CLEC16A: variants seen among roughly 807,000 people sequenced by gnomAD.
CLEC16A encodes C-type lectin domain containing 16A, also known as protein CLEC16A.
A neutral mutation model predicts 109.5 loss-of-function variants in CLEC16A; 51 were observed. That is an observed-to-expected ratio of 0.47 (90% CI 0.37 to 0.59). The LOEUF (loss-of-function observed/expected upper bound fraction) is 0.59. CLEC16A is among the 20% of genes least tolerant of loss of function. The probability of loss-of-function intolerance (pLI) is 0.00; values close to 1 mark genes in which losing one functional copy is unlikely to be tolerated. For synonymous variants in CLEC16A, 673 were observed against 564.2 expected (o/e 1.19, Z -2.73); for missense variants, 1,339 against 1,394.0 (o/e 0.96, Z 0.63).
chr16:11,129,457 A>G (rs2053046684), intron 22 of CLEC16A, among the ~76,000 whole-genome samples: 1 of 152,192 alleles, frequency 6.6e-6, no homozygotes, highest in East Asian at 1.9e-4. Flanking sequence ...CTGTTGTGAT[A>G]GCATGCATTC....
chr16:11,024,675 C>T, intron 12 of CLEC16A, 146 bp from the exon 13 acceptor site: 1 of 603,372 alleles, frequency 1.7e-6, no homozygotes, highest in Non-Finnish European at 3.0e-6. Context: ...TTGTCTGTGT[C>T]CTCAGTGCGT....
chr16:11,138,778 G>A lies in CLEC16A; in HGVS notation c.2641+12632G>A, dbSNP rs117832942. 1.4e-4 allele frequency among the ~76,000 whole-genome samples: 22 copies of A among 152,226 alleles called. No individual in the cohort carries two copies. In the East Asian group the frequency reaches 3.1e-3, roughly 21 times the overall value. ...TTAGTTCGCAGGCGCACCCTCATTCGATTTTGACTGCTGCGATCATCTGGT... is the reference window on the plus strand; with the variant it reads ...TTAGTTCGCAGGCGCACCCTCATTCAATTTTGACTGCTGCGATCATCTGGT... On this transcript the variant is annotated intron_variant, in intron 22 of 23. Coordinates refer to ENST00000409790, the MANE Select transcript of CLEC16A (RefSeq NM_015226.3).
rs1220743290 is a variant in CLEC16A, at chr16:10,957,730, G to C, written c.81-52G>C. ...ATATTGCTAATGGTCATGGAACTTG[G>C]CTTGCATTTCAGTTGGTAACCTTTA... is the stretch of plus-strand genomic sequence containing the variant. On this transcript the variant is annotated intron_variant, in intron 1 of 23. Coordinates refer to ENST00000409790, the MANE Select transcript of CLEC16A (RefSeq NM_015226.3). 17 of 1,597,594 alleles carry C rather than the reference G, an allele frequency of 1.1e-5. No homozygotes were observed. In the Admixed American group the frequency reaches 2.5e-4, roughly 24 times the overall value.
chr16:10,976,548 T>A (rs1218352393), intron 7 of CLEC16A, among the ~76,000 whole-genome samples: 1 of 152,196 alleles, frequency 6.6e-6, no homozygotes, highest in Non-Finnish European at 1.5e-5. Flanking sequence ...TTTGCTGTTG[T>A]CAAAAATGAT....
intron 17 of CLEC16A, 129 bp from the exon 18 acceptor site, chr16:11,051,384 A>T: frequency 1.1e-6 from 1 of 945,980 alleles, no homozygotes; most frequent in Non-Finnish European, 1.6e-6. Context: ...ATCTAAATCC[A>T]GGATTTAGAT....
At chr16:10,999,752 CT>C (rs2044552115) in intron 10 of CLEC16A, among the ~76,000 whole-genome samples, 1 of 150,498 alleles carries the variant, frequency 6.6e-6, no homozygotes, top group South Asian at 2.1e-4. Flanking sequence ...TTTTTTTTTT[CT>C]TTTTTTAGAT....
Position 11,132,274 on chromosome 16 carries a change from C to T in CLEC16A, c.2641+6128C>T, listed in dbSNP as rs139351398. On this transcript the variant is annotated intron_variant, in intron 22 of 23. Coordinates refer to ENST00000409790, the MANE Select transcript of CLEC16A (RefSeq NM_015226.3). ...GCCCCCATCCAGCCCCTGGCATCCA[C>T]TAATCTGCTTTCTGTCTCTATAGAT... 2.4e-3 allele frequency among the ~76,000 whole-genome samples: 352 copies of T among 147,932 alleles called. 2 individuals are homozygous for T. The highest frequency in any genetic ancestry group is 8.2e-3 in the African/African-American group (329 of 40,210).
intron 23 of CLEC16A, among the ~76,000 whole-genome samples, chr16:11,169,872 A>G (rs1597624760): frequency 1.3e-5 from 2 of 152,074 alleles, no homozygotes; most frequent in Non-Finnish European, 2.9e-5. Context: ...CTCCTCCTGA[A>G]ATTGAGCCCA....
intron 19 of CLEC16A, among the ~76,000 whole-genome samples, chr16:11,096,678 C>T (rs1450205717): frequency 6.6e-6 from 1 of 152,176 alleles, no homozygotes; most frequent in African/African-American, 2.4e-5. Flanking sequence ...TCACTCCAGG[C>T]CTTATGGGGG....
chr16:10,973,931 G>C (rs2042918931), intron 7 of CLEC16A, among the ~76,000 whole-genome samples: 1 of 100,546 alleles, frequency 9.9e-6, no homozygotes. Context: ...ACAGAGTCTT[G>C]CTCTGTCTCC....
chr16:11,146,407 CGATG>C (rs2054058146), intron 22 of CLEC16A, among the ~76,000 whole-genome samples: 1 of 150,784 alleles, frequency 6.6e-6, no homozygotes, highest in Non-Finnish European at 1.5e-5. Flanking sequence ...ATAAATGGAT[CGATG>C]GATGGATATT....
intron 13 of CLEC16A, chr16:11,027,805 T>C: frequency 1.2e-6 from 1 of 828,940 alleles, no homozygotes; most frequent in Non-Finnish European, 2.0e-6. Flanking sequence ...ATCAATGAAG[T>C]GGAAGCATGT....
rs2043073088 is a variant in CLEC16A at position 10,977,215 on chromosome 16, C to T, written c.729-10C>T. 1.2e-6 allele frequency: 2 copies of T among 1,611,786 alleles called. No homozygotes were observed. The highest frequency in any genetic ancestry group is 1.7e-6 in the Non-Finnish European group (2 of 1,178,934). On this transcript the variant is annotated splice_polypyrimidine_tract_variant and intron_variant, in intron 7 of 23. Coordinates refer to ENST00000409790, the MANE Select transcript of CLEC16A (RefSeq NM_015226.3). ...GGCCTCCAGGCTGAGGTGGTCATTT[C>T]TCCTGGCAGGCATCGGAATCGGGGT...
At chr16:11,084,342 G>C (rs1351517092) in intron 19 of CLEC16A, among the ~76,000 whole-genome samples, 1 of 152,040 alleles carries the variant, frequency 6.6e-6, no homozygotes, top group East Asian at 1.9e-4. Flanking sequence ...TGGTTCTTTG[G>C]TTCATGTGGG....
At chr16:10,946,424 G>A (rs1428650539) in intron 1 of CLEC16A, among the ~76,000 whole-genome samples, 1 of 152,160 alleles carries the variant, frequency 6.6e-6, no homozygotes, top group East Asian at 1.9e-4. Flanking sequence ...TTCACTATGT[G>A]GTGAGGGGCA....
chr16:11,092,077 G>A (rs1348063985), intron 19 of CLEC16A, among the ~76,000 whole-genome samples: 2 of 152,142 alleles, frequency 1.3e-5, no homozygotes, highest in African/African-American at 4.8e-5. Context: ...AAGCACAGTG[G>A]CTCACGCCTG....
chr16:11,010,014 A>G (rs1340519463), intron 11 of CLEC16A, among the ~76,000 whole-genome samples: 1 of 152,146 alleles, frequency 6.6e-6, no homozygotes, highest in Non-Finnish European at 1.5e-5. Context: ...CTAGCCAGTC[A>G]CAGCGGTGTG....
chr16:10,987,030 AT>A (rs1318954434), intron 10 of CLEC16A, among the ~76,000 whole-genome samples: 1 of 151,482 alleles, frequency 6.6e-6, no homozygotes, highest in Non-Finnish European at 1.5e-5. Context: ...TTTTGTTTGT[AT>A]TTTTAGTAGA....
intron 10 of CLEC16A, among the ~76,000 whole-genome samples, chr16:10,983,260 T>C (rs927427765): frequency 6.6e-6 from 1 of 152,236 alleles, no homozygotes; most frequent in African/African-American, 2.4e-5. Flanking sequence ...TGTGAGACAC[T>C]GTTATCGGGA....
Sources: allele counts gnomAD v4.1 joint callset (sites outside exome capture counted in the v4.1 genomes callset), GRCh38; gene constraint gnomAD v4.1.1; transcripts MANE v1.5; gene names NCBI Gene and HGNC (gene_info 2026-07-23, HGNC 2026-07-21).